Variants in FMN1 observed in about 807,000 individuals in gnomAD.
FMN1 encodes formin 1.
FMN1 carries 110 observed loss-of-function variants against 132.4 expected under a neutral mutation model. That is an observed-to-expected ratio of 0.83 (90% CI 0.71 to 0.97). The LOEUF is 0.97. Among genes scored for constraint, FMN1 ranks in the 50% least tolerant of loss-of-function variants. FMN1 has a pLI of 0.00. For synonymous variants in FMN1, 722 were observed against 651.7 expected, an observed-to-expected ratio of 1.11 and a Z score of -1.64; for missense variants, 1,792 against 1,705.3, an observed-to-expected ratio of 1.05 and a Z score of -0.90.
At chr15:33,022,826 T>C (rs555116179) in intron 6 of FMN1, among the ~76,000 whole-genome samples, 1 of 152,044 alleles carries the variant, frequency 6.6e-6, no homozygotes, top group Non-Finnish European at 1.5e-5. Context: ...AAAAAGGGAC[T>C]GAGACACAGC....
chr15:32,991,664 T>C (rs1187881970), intron 7 of FMN1, among the ~76,000 whole-genome samples: 2 of 152,174 alleles, frequency 1.3e-5, no homozygotes, highest in African/African-American at 4.8e-5. Context: ...TAACTTTAAA[T>C]GGCTAAAATC....
In FMN1 at chr15:32,771,425, T is replaced by A. The variant is rs926349663; in HGVS notation, c.*2885A>T. On this transcript the variant is annotated 3_prime_UTR_variant, in exon 21 of 21. Transcript: ENST00000616417. ...AACGTGTCTGTAGTGTAATTTATGA[T>A]GTACTTTGTGTAATTTATGTAACTT... 6.6e-6 allele frequency: 1 copy of A among 152,258 alleles called. No individual in the cohort carries two copies. Among genetic ancestry groups the A allele is most frequent in the South Asian group, 2.1e-4 (1 of 4,824 alleles). 9.4% of individuals were successfully genotyped at this position (152,258 alleles called of 1,614,324 possible).
intron 4 of FMN1, among the ~76,000 whole-genome samples, chr15:33,146,009 T>G (rs6494898): frequency 0.39 from 58,174 of 150,512 alleles, 11,671 homozygotes; most frequent in Middle Eastern, 0.46. Context: ...GGAGTCTCTC[T>G]TTGTCACCCA....
At chr15:32,810,120 T>C (rs890937219) in intron 17 of FMN1, among the ~76,000 whole-genome samples, 5 of 152,094 alleles carry the variant, frequency 3.3e-5, no homozygotes, top group African/African-American at 9.7e-5. Flanking sequence ...TTTCACCATG[T>C]TGGCCAGGCT....
intron 16 of FMN1, among the ~76,000 whole-genome samples, chr15:32,873,212 G>A (rs1304848460): frequency 6.6e-6 from 1 of 152,210 alleles, no homozygotes; most frequent in Non-Finnish European, 1.5e-5. Flanking sequence ...TTGTAAATCT[G>A]TCGGGAGAAT....
At chr15:33,035,479 T>C (rs1478022652) in intron 6 of FMN1, among the ~76,000 whole-genome samples, 1 of 152,198 alleles carries the variant, frequency 6.6e-6, no homozygotes, top group African/African-American at 2.4e-5. Context: ...TTCTCCTAGC[T>C]AACTGCTTTA....
intron 4 of FMN1, among the ~76,000 whole-genome samples, chr15:33,126,905 G>C (rs546877246): frequency 6.6e-6 from 1 of 152,324 alleles, no homozygotes; most frequent in African/African-American, 2.4e-5. Context: ...TGCAAAGTGG[G>C]ATAAACGTTT....
chr15:32,918,359 T>C (rs549197905), intron 10 of FMN1, among the ~76,000 whole-genome samples: 2 of 152,292 alleles, frequency 1.3e-5, no homozygotes, highest in South Asian at 4.1e-4. Flanking sequence ...TCTAAATTGC[T>C]AAATGCCTGC....
intron 5 of FMN1, among the ~76,000 whole-genome samples, chr15:33,072,615 C>A (rs1050441776): frequency 6.6e-6 from 1 of 152,042 alleles, no homozygotes; most frequent in Non-Finnish European, 1.5e-5. Context: ...CCAATTGTAC[C>A]CCATGGCAAA....
chr15:32,956,821 C>T (rs1349480902), intron 9 of FMN1, among the ~76,000 whole-genome samples: 3 of 152,130 alleles, frequency 2.0e-5, no homozygotes, highest in African/African-American at 7.2e-5. Context: ...ACTTGGAAAG[C>T]AATAGGTTAT....
intron 6 of FMN1, among the ~76,000 whole-genome samples, chr15:33,045,661 A>G (rs1225129514): frequency 6.6e-6 from 1 of 152,138 alleles, no homozygotes; most frequent in Non-Finnish European, 1.5e-5. Flanking sequence ...CTGGTAATTA[A>G]CTGGCTTGGA....
chr15:33,001,566 T>TCC (rs398026773), intron 7 of FMN1, among the ~76,000 whole-genome samples: 30 of 96,704 alleles, frequency 3.1e-4, no homozygotes, highest in South Asian at 1.5e-3. Flanking sequence ...TCCTCCCACT[T>TCC]CCCCCCCCAC....
At position 32,907,207 on chromosome 15, in the gene FMN1, T is replaced by C. The variant is rs566391629; in HGVS notation, c.3377+1283A>G. 2.6e-5 allele frequency among the ~76,000 whole-genome samples: 4 copies of C among 152,202 alleles called. No homozygotes were observed. The East Asian group carries it at 5.8e-4, about 22-fold the overall frequency. ...GCACTTTATTTCCATTATTATTACA[T>C]TGTAACATACAATGATATAATTATA... On this transcript the variant is annotated intron_variant, in intron 12 of 20. Transcript: ENST00000616417.
chr15:32,774,553 A>C (rs1326945188), intron 20 of FMN1, among the ~76,000 whole-genome samples, 199 bp from the exon 21 acceptor site: 2 of 152,272 alleles, frequency 1.3e-5, no homozygotes, highest in African/African-American at 4.8e-5. Context: ...CCAGAAAAAC[A>C]AACAAGAAAT....
At chr15:32,784,675 G>T (rs777023327) in intron 19 of FMN1, among the ~76,000 whole-genome samples, 32 of 152,284 alleles carry the variant, frequency 2.1e-4, no homozygotes, top group Non-Finnish European at 3.7e-4. Context: ...TACTTTCCAG[G>T]TAAGTTCTAA....
chr15:33,118,916 C>CAA (rs200093287), intron 4 of FMN1, among the ~76,000 whole-genome samples: 19 of 93,864 alleles, frequency 2.0e-4, no homozygotes, highest in African/African-American at 6.1e-4. Context: ...CCTTCCTTTA[C>CAA]AAAAAAAAAA....
chr15:33,046,132 A>G (rs1392315960), intron 6 of FMN1, among the ~76,000 whole-genome samples: 3 of 152,144 alleles, frequency 2.0e-5, no homozygotes, highest in Non-Finnish European at 4.4e-5. Flanking sequence ...TATACTTGTG[A>G]AAATATCAAT....
chr15:32,791,986 A>G (rs966156301), intron 19 of FMN1, among the ~76,000 whole-genome samples: 1 of 152,162 alleles, frequency 6.6e-6, no homozygotes, highest in African/African-American at 2.4e-5. Flanking sequence ...GGGACTAACA[A>G]AACAGAGAAT....
chr15:33,033,610 T>C (rs1395955542), intron 6 of FMN1, among the ~76,000 whole-genome samples: 1 of 152,016 alleles, frequency 6.6e-6, no homozygotes, highest in Non-Finnish European at 1.5e-5. Context: ...TTTTCCACCT[T>C]AATTAAAACA....
Sources: gnomAD v4.1 joint callset for allele counts (sites outside exome capture counted in the v4.1 genomes callset) on GRCh38, gnomAD v4.1.1 for gene constraint, MANE v1.5 for transcripts, NCBI Gene and HGNC (gene_info 2026-07-23, HGNC 2026-07-21) for gene names.